Variants in PAX7 observed in about 807,000 individuals in gnomAD.
PAX7 encodes paired box 7, also known as paired box protein Pax-7.
In PAX7, 18 loss-of-function variants were observed where a neutral mutation model predicts 50.7. The observed-to-expected ratio is 0.36, with a 90% CI of 0.25 to 0.53. The LOEUF (loss-of-function observed/expected upper bound fraction) is 0.53. Among genes scored for constraint, PAX7 ranks in the 20% least tolerant of loss-of-function variants. The pLI is 0.93. For missense variants in PAX7, 644 were observed against 702.9 expected (o/e 0.92, Z 0.95); for synonymous variants, 310 against 290.4 (o/e 1.07, Z -0.69).
chr1:18,744,163 C>T (rs1192866347), intron 8 of PAX7, among the ~76,000 whole-genome samples: 1 of 152,176 alleles, frequency 6.6e-6, no homozygotes, highest in East Asian at 1.9e-4. Flanking sequence ...TTTGCCTTAT[C>T]TGTAAGCTGG....
chr1:18,670,868 G>A (rs957855961), intron 4 of PAX7, among the ~76,000 whole-genome samples: 1 of 152,160 alleles, frequency 6.6e-6, no homozygotes, highest in Non-Finnish European at 1.5e-5. Context: ...AAATGGAAAT[G>A]GGACCCATTT....
rs1352799128 is a variant in PAX7 at position 18,726,587 on chromosome 1, T to A, written c.1156-9045T>A. 6.6e-6 allele frequency among the ~76,000 whole-genome samples: 1 copy of A among 152,058 alleles called. No individual in the cohort carries two copies. The highest frequency in any genetic ancestry group is 1.5e-5 in the Non-Finnish European group (1 of 68,024). On this transcript the variant is annotated intron_variant, in intron 7 of 8. Transcript: ENST00000420770. This position sits in a 1 kb window ranked among gnomAD's most constrained non-coding sequence, Gnocchi z 4.8. ...AAACAACAAACAGGGTGAGGCTCAGTCTGTTCCCAGGCAGAGGGTTGGGCC... is the reference window on the plus strand; with the variant it reads ...AAACAACAAACAGGGTGAGGCTCAGACTGTTCCCAGGCAGAGGGTTGGGCC...
intron 7 of PAX7, among the ~76,000 whole-genome samples, chr1:18,716,289 C>G (rs554105010): frequency 3.3e-5 from 5 of 152,302 alleles, no homozygotes; most frequent in African/African-American, 1.2e-4. Flanking sequence ...GCACCTCGGC[C>G]TTGTCACTCC....
At position 18,636,498 on chromosome 1, in the gene PAX7, C is replaced by A; in HGVS notation, c.586+127C>A. On this transcript the variant is annotated intron_variant, in intron 4 of 8. Coordinates refer to ENST00000420770, the MANE Select transcript of PAX7 (RefSeq NM_001135254.2). The surrounding 1 kb of genome is among the most constrained non-coding windows in gnomAD (Gnocchi z 5.1). ...CTCCAGCGGAGAAACTCTCATGCTG[C>A]GGGGCAGCTGGGAGCCGCTCAGGCT... The A allele has an allele frequency of 8.1e-7, 1 of 1,232,118 alleles. No individual in the cohort carries two copies. 76.3% of individuals were successfully genotyped at this position (1,232,118 alleles called of 1,614,324 possible).
intron 4 of PAX7, among the ~76,000 whole-genome samples, chr1:18,659,094 G>A (rs2088564597): frequency 6.6e-6 from 1 of 152,122 alleles, no homozygotes; most frequent in Admixed American, 6.5e-5. Context: ...GCATGTGTGT[G>A]ACATGTGTGT....
intron 4 of PAX7, among the ~76,000 whole-genome samples, chr1:18,671,578 C>T (rs925656833): frequency 6.6e-6 from 1 of 151,910 alleles, no homozygotes; most frequent in Non-Finnish European, 1.5e-5. Context: ...GAGACATATT[C>T]CCTCCCAGCA....
intron 4 of PAX7, among the ~76,000 whole-genome samples, chr1:18,647,337 C>T (rs1280655355): frequency 1.3e-5 from 2 of 152,138 alleles, no homozygotes; most frequent in Non-Finnish European, 2.9e-5. Flanking sequence ...GGCTTGGGCA[C>T]GCGGCTCTGT....
intron 7 of PAX7, among the ~76,000 whole-genome samples, chr1:18,708,027 C>T (rs763766760): frequency 6.6e-6 from 1 of 152,108 alleles, no homozygotes; most frequent in Non-Finnish European, 1.5e-5. Flanking sequence ...TCTCCCCTAC[C>T]CACCCAAGCC....
chr1:18,662,529 A>G (rs2088614766), intron 4 of PAX7, among the ~76,000 whole-genome samples: 1 of 152,286 alleles, frequency 6.6e-6, no homozygotes, highest in East Asian at 1.9e-4. Flanking sequence ...CTCAAATTCA[A>G]AAACATTGTA....
intron 7 of PAX7, among the ~76,000 whole-genome samples, chr1:18,730,430 G>A (rs1458216221): frequency 6.6e-6 from 1 of 152,032 alleles, no homozygotes; most frequent in African/African-American, 2.4e-5. Context: ...GGTCCCTGCA[G>A]CCTTGACCTG....
rs539238820 is a variant in PAX7 at position 18,655,247 on chromosome 1, G to C, written c.586+18876G>C. Among the ~76,000 whole-genome samples the C allele has an allele frequency of 7.9e-5, 12 of 152,332 alleles. No homozygotes were observed. In the South Asian group the frequency reaches 2.5e-3, roughly 32 times the overall value. ...CCAGTTTCCACGGTCAGAAACAAGG[G>C]CTGCGGCCGGTCCCAGCCCATGACT... On this transcript the variant is annotated intron_variant, in intron 4 of 8. Transcript: ENST00000420770.
intron 7 of PAX7, among the ~76,000 whole-genome samples, chr1:18,722,777 C>T (rs2089511215): frequency 1.3e-5 from 2 of 152,094 alleles, no homozygotes; most frequent in Non-Finnish European, 2.9e-5. Flanking sequence ...GGGTCCATCT[C>T]GTGAGGGGAG....
intron 7 of PAX7, among the ~76,000 whole-genome samples, chr1:18,714,876 T>C (rs1198465912): frequency 6.6e-6 from 1 of 152,240 alleles, no homozygotes; most frequent in East Asian, 1.9e-4. Flanking sequence ...GGATCTGTCC[T>C]TCTTTCTGAT....
intron 6 of PAX7, among the ~76,000 whole-genome samples, chr1:18,702,187 A>AC (rs2089230983): frequency 6.6e-6 from 1 of 151,286 alleles, no homozygotes; most frequent in African/African-American, 2.4e-5. Flanking sequence ...CAAAAAAAAA[A>AC]AATTATCTGG....
intron 4 of PAX7, among the ~76,000 whole-genome samples, chr1:18,673,521 T>C (rs1285923680): frequency 6.6e-6 from 1 of 152,188 alleles, no homozygotes; most frequent in Non-Finnish European, 1.5e-5. Context: ...TTTTGGAAAA[T>C]AACATTGTTT....
Position 18,691,809 on chromosome 1 carries a change from G to T in PAX7, c.642G>T (p.Lys214Asn), listed in dbSNP as rs1231675295. The change falls in exon 5 of 9, where the codon AAG (lysine) becomes AAT (asparagine). Residue 214 changes from lysine (K) to asparagine (N), a missense_variant. By Grantham distance (94) the Lys-to-Asn change is moderately conservative (BLOSUM62 0). Coordinates refer to ENST00000420770, the MANE Select transcript of PAX7 (RefSeq NM_001135254.2). ...DVESEPDLPL[K>N]RKQRRSRTTF... ...AGTCGGAACCTGACCTCCCACTGAA[G>T]CGCAAGCAGCGACGCAGTCGGACCA... 6.2e-7 allele frequency: 1 copy of T among 1,609,962 alleles called. No individual in the cohort carries two copies. The highest frequency in any genetic ancestry group is 1.7e-5 in the Admixed American group (1 of 59,532).
chr1:18,666,544 C>A (rs780699711), intron 4 of PAX7, among the ~76,000 whole-genome samples: 1 of 152,190 alleles, frequency 6.6e-6, no homozygotes, highest in African/African-American at 2.4e-5. Context: ...TAAGGGCCTG[C>A]GGTCAGCTTT....
chr1:18,727,812 A>G (rs1299620450), intron 7 of PAX7, among the ~76,000 whole-genome samples: 1 of 152,092 alleles, frequency 6.6e-6, no homozygotes, highest in East Asian at 1.9e-4. Context: ...CGGCAGGTGC[A>G]GGGCTTCGGT....
intron 7 of PAX7, among the ~76,000 whole-genome samples, chr1:18,705,436 T>C (rs1448691000): frequency 2.0e-5 from 3 of 152,018 alleles, no homozygotes; most frequent in Non-Finnish European, 4.4e-5. Context: ...GTCTTTGGGG[T>C]TCTGTGTGCA....
Sources: gnomAD v4.1 joint callset for allele counts (sites outside exome capture counted in the v4.1 genomes callset) on GRCh38, gnomAD v4.1.1 for gene constraint, Gnocchi (gnomAD v3.1) non-coding constraint, MANE v1.5 for transcripts, NCBI Gene and HGNC (gene_info 2026-07-23, HGNC 2026-07-21) for gene names.